TCF20: variants seen among roughly 807,000 people sequenced by gnomAD.
TCF20 encodes transcription factor 20, also known as SPRE-binding protein.
Under a neutral mutation model 148.6 loss-of-function variants are expected in TCF20, and 3 were observed. The observed-to-expected ratio is 0.02, with a 90% CI of 0.01 to 0.05. The LOEUF is 0.05. Among genes scored for constraint, TCF20 ranks in the 10% least tolerant of loss-of-function variants. The pLI, the probability that TCF20 is intolerant of heterozygous loss-of-function variation, is 1.00. For synonymous variants in TCF20, 1,049 were observed against 909.5 expected, an observed-to-expected ratio of 1.15 and a Z score of -2.76; for missense variants, 2,350 against 2,429.3, an observed-to-expected ratio of 0.97 and a Z score of 0.69.
chr22:42,275,412 C>T (rs1236657661), upstream of TCF20, among the ~76,000 whole-genome samples: 2 of 152,192 alleles, frequency 1.3e-5, no homozygotes, highest in Non-Finnish European at 2.9e-5. Context: ...ACGGGAAGCC[C>T]GTGCAACCTG....
At chr22:42,251,766 A>G (rs1298459757) in intron 1 of TCF20, among the ~76,000 whole-genome samples, 1 of 151,494 alleles carries the variant, frequency 6.6e-6, no homozygotes, top group Non-Finnish European at 1.5e-5. Flanking sequence ...GCCTCTCAAC[A>G]TGCTGGGATT....
chr22:42,229,182 G>A (rs1923176854), intron 1 of TCF20, among the ~76,000 whole-genome samples: 2 of 152,180 alleles, frequency 1.3e-5, no homozygotes, highest in South Asian at 4.1e-4. Context: ...AATGTGACAT[G>A]TTGGACATCC....
At chr22:42,163,045 G>C (rs79724799) in intron 5 of TCF20, among the ~76,000 whole-genome samples, 4 of 152,184 alleles carry the variant, frequency 2.6e-5, no homozygotes, top group Non-Finnish European at 4.4e-5. Flanking sequence ...CAGGATGCCC[G>C]TGTGAATCAA....
chr22:42,314,917 A>T (rs976637384), intron 1 of TCF20, among the ~76,000 whole-genome samples: 2 of 152,108 alleles, frequency 1.3e-5, no homozygotes, highest in Non-Finnish European at 2.9e-5. Context: ...GAGGTGGCAG[A>T]GCGGAAGGCC....
intron 2 of TCF20, among the ~76,000 whole-genome samples, chr22:42,189,832 T>C (rs891481006): frequency 6.6e-6 from 1 of 152,232 alleles, no homozygotes; most frequent in African/African-American, 2.4e-5. Context: ...TATTCAGATA[T>C]TCCTTATCAG....
At position 42,210,342 on chromosome 22, in the gene TCF20, T is replaced by G. The variant is rs779495631; in HGVS notation, c.4964A>C (p.Glu1655Ala). Reference sequence around the variant, plus strand: ...GCCCCTCACTAATTTGGTCTGTTCTTCTTCCTCAGCATTGATGATTGTACA... The same window carrying G: ...GCCCCTCACTAATTTGGTCTGTTCTGCTTCCTCAGCATTGATGATTGTACA... ...AVCTIINAEE[E>A]EQTKLVRGRK... Residue 1655 changes from glutamate (E) to alanine (A), a missense_variant, in exon 2 of 6, where the codon GAA becomes GCA. Physicochemically the swap from Glu to Ala is moderately radical, Grantham distance 107. Transcript: ENST00000677622. The surrounding 1 kb of genome is among the most constrained non-coding windows in gnomAD (Gnocchi z 4.7). 2 of 1,614,110 alleles carry G rather than the reference T, an allele frequency of 1.2e-6. No homozygotes were observed. Among genetic ancestry groups the G allele is most frequent in the Non-Finnish European group, 1.7e-6 (2 of 1,180,050 alleles).
chr22:42,210,695 T>C lies in TCF20; in HGVS notation c.4611A>G (p.Gly1537=). ...TACCAATGGGTCTCCCCTTCTTCTT[T>C]CCTGATGGGAAATATCCCTTTGGAG... ...GFPPKGYFPS[G]KKKGRPIGSV... is the part of the protein sequence containing the mutation. Residue 1537 remains glycine (G), a synonymous_variant, in exon 2 of 6, where the codon GGA becomes GGG. Transcript: ENST00000677622. This position sits in a 1 kb window ranked among gnomAD's most constrained non-coding sequence, Gnocchi z 4.7. The C allele has an allele frequency of 1.2e-6, 2 of 1,614,212 alleles. No individual in the cohort carries two copies. Among genetic ancestry groups the C allele is most frequent in the Non-Finnish European group, 1.7e-6 (2 of 1,180,032 alleles).
At chr22:42,249,376 G>A (rs2147341579) in intron 1 of TCF20, among the ~76,000 whole-genome samples, 1 of 152,190 alleles carries the variant, frequency 6.6e-6, no homozygotes, top group East Asian at 1.9e-4. Context: ...ATATCCTATT[G>A]GTTCTGTCTC....
At chr22:42,198,436 C>T (rs1480615630) in intron 2 of TCF20, among the ~76,000 whole-genome samples, 1 of 152,198 alleles carries the variant, frequency 6.6e-6, no homozygotes, top group African/African-American at 2.4e-5. Context: ...TCCAGGACCT[C>T]TGCCAATACC....
chr22:42,180,641 G>A (rs1936724485), intron 2 of TCF20, among the ~76,000 whole-genome samples: 1 of 152,174 alleles, frequency 6.6e-6, no homozygotes, highest in Admixed American at 6.5e-5. Flanking sequence ...ATTACACTGA[G>A]CTGGCTCAGG....
chr22:42,263,087 AAAG>A (rs1926109198), intron 1 of TCF20, among the ~76,000 whole-genome samples: 1 of 152,114 alleles, frequency 6.6e-6, no homozygotes, highest in Non-Finnish European at 1.5e-5. Flanking sequence ...CAACAGCCCA[AAAG>A]AAGATATATC....
intron 1 of TCF20, among the ~76,000 whole-genome samples, chr22:42,240,169 A>G (rs1924268841): frequency 6.6e-6 from 1 of 152,244 alleles, no homozygotes; most frequent in South Asian, 2.1e-4. Flanking sequence ...TCCATTTTCT[A>G]GACAACGAAA....
At chr22:42,217,180 A>AC (rs1316074911) in intron 1 of TCF20, among the ~76,000 whole-genome samples, 1 of 151,590 alleles carries the variant, frequency 6.6e-6, no homozygotes, top group African/African-American at 2.4e-5. Flanking sequence ...CCCTGCTCCC[A>AC]CCCCCTTGAC....
At position 42,213,559 on chromosome 22, in the gene TCF20, A is replaced by C. The variant is rs1215071762; in HGVS notation, c.1747T>G (p.Ser583Ala). Reference sequence around the variant, plus strand: ...AATGGCATGTCCTTAGCGCCTGGTGAGGTGGCCTCTTCTCTTGCGGCAGGA... The same window carrying C: ...AATGGCATGTCCTTAGCGCCTGGTGCGGTGGCCTCTTCTCTTGCGGCAGGA... ...ASPAAREEAT[S>A]PGAKDMPLSS... The change falls in exon 2 of 6, where the codon TCA becomes GCA. Residue 583 changes from serine (S) to alanine (A), a missense_variant. Coordinates refer to ENST00000677622, the MANE Select transcript of TCF20 (RefSeq NM_001378418.1). 6.2e-7 allele frequency: 1 copy of C among 1,614,060 alleles called. No homozygotes were observed. Among genetic ancestry groups the C allele is most frequent in the Admixed American group, 1.7e-5 (1 of 60,018 alleles).
chr22:42,307,616 G>A (rs1927458571), intron 1 of TCF20, among the ~76,000 whole-genome samples: 1 of 152,264 alleles, frequency 6.6e-6, no homozygotes, highest in African/African-American at 2.4e-5. Flanking sequence ...ACTCACAGAG[G>A]TGAGGAGCTA....
At chr22:42,227,900 G>A (rs534294785) in intron 1 of TCF20, among the ~76,000 whole-genome samples, 9 of 152,314 alleles carry the variant, frequency 5.9e-5, no homozygotes, top group Non-Finnish European at 1.0e-4. Context: ...ACCTGGTCAA[G>A]CTTATTAGAG....
chr22:42,258,414 A>G (rs116832305), intron 1 of TCF20, among the ~76,000 whole-genome samples: 2,624 of 152,184 alleles, frequency 0.017, 82 homozygotes, highest in African/African-American at 0.06. Context: ...CCCAACGCCA[A>G]TCACAGGGGA....
chr22:42,195,235 C>A (rs1006805771), intron 2 of TCF20, among the ~76,000 whole-genome samples: 1 of 151,332 alleles, frequency 6.6e-6, no homozygotes, highest in African/African-American at 2.4e-5. Flanking sequence ...GAGACATACA[C>A]TGAAACTCAT....
In TCF20 at chr22:42,212,364, T is replaced by C; in HGVS notation, c.2942A>G (p.Gln981Arg). ...THDSLSDYGPQDSRPTPMRRV... is the reference protein window; with the variant it reads ...THDSLSDYGPRDSRPTPMRRV... Reference sequence around the variant, plus strand: ...CCGCATTGGCGTGGGTCTGCTGTCTTGCGGGCCATAGTCTGAAAGGGAATC... The same window carrying C: ...CCGCATTGGCGTGGGTCTGCTGTCTCGCGGGCCATAGTCTGAAAGGGAATC... The change falls in exon 2 of 6, where the codon CAA becomes CGA. Residue 981 changes from glutamine to arginine, a missense_variant. Gln to Arg is a conservative substitution (Grantham distance 43, BLOSUM62 1). Transcript: ENST00000677622. 1 of 1,614,196 alleles carries C rather than the reference T, an allele frequency of 6.2e-7. No homozygotes were observed. The highest frequency in any genetic ancestry group is 8.5e-7 in the Non-Finnish European group (1 of 1,180,030).
Sources: allele counts gnomAD v4.1 joint callset (sites outside exome capture counted in the v4.1 genomes callset), GRCh38; gene constraint gnomAD v4.1.1; non-coding constraint Gnocchi (gnomAD v3.1); transcripts MANE v1.5; gene names NCBI Gene and HGNC (gene_info 2026-07-23, HGNC 2026-07-21).